The following NUMB variants were observed in gnomAD, a reference collection of about 807,000 sequenced individuals.
NUMB encodes protein numb homolog.
In NUMB, 29 loss-of-function variants were observed where a neutral mutation model predicts 59.7. The ratio of observed to expected loss-of-function variants is 0.49; its 90% CI spans 0.36 to 0.66. The LOEUF is 0.66. Among genes scored for constraint, NUMB ranks in the 30% least tolerant of loss-of-function variants. The pLI is 0.00. For missense variants in NUMB, 723 were observed against 822.0 expected (o/e 0.88, Z 1.47); for synonymous variants, 288 against 288.2 (o/e 1.00, Z 0.01).
chr14:73,308,079 G>T (rs1890563282), intron 6 of NUMB, among the ~76,000 whole-genome samples: 1 of 152,132 alleles, frequency 6.6e-6, no homozygotes, highest in African/African-American at 2.4e-5. Context: ...CTCAAGAGGG[G>T]ATGGCAGGAG....
intron 3 of NUMB, among the ~76,000 whole-genome samples, chr14:73,357,746 G>C (rs1046843391): frequency 6.6e-6 from 1 of 152,110 alleles, no homozygotes; most frequent in Non-Finnish European, 1.5e-5. Flanking sequence ...CTGGGCAACA[G>C]AGCGAGACTG....
At chr14:73,451,153 C>CA (rs1212863745) in intron 1 of NUMB, among the ~76,000 whole-genome samples, 4,808 of 35,972 alleles carry the variant, frequency 0.13, 558 homozygotes, top group Non-Finnish European at 0.18. Context: ...GACTCTGTCT[C>CA]AAAAAAAAAA....
intron 2 of NUMB, among the ~76,000 whole-genome samples, chr14:73,404,581 G>C (rs1296285680): frequency 6.6e-6 from 1 of 152,028 alleles, no homozygotes; most frequent in African/African-American, 2.4e-5. Context: ...ATCAGTGGGG[G>C]ATATACAGAT....
chr14:73,282,285 C>A, intron 11 of NUMB, 74 bp downstream of exon 11: 1 of 1,496,638 alleles, frequency 6.7e-7, no homozygotes, highest in Non-Finnish European at 9.1e-7. Context: ...AGGATGCCAA[C>A]TTACAGTTAG....
At chr14:73,363,954 C>G (rs1894212920) in intron 3 of NUMB, among the ~76,000 whole-genome samples, 1 of 152,034 alleles carries the variant, frequency 6.6e-6, no homozygotes, top group Non-Finnish European at 1.5e-5. Context: ...CTCTTAAAAA[C>G]AAAACAAATT....
chr14:73,353,482 T>C (rs1893578970), intron 4 of NUMB, among the ~76,000 whole-genome samples: 2 of 151,250 alleles, frequency 1.3e-5, no homozygotes, highest in South Asian at 4.2e-4. Context: ...CTTATGCCAA[T>C]ATTATCTATA....
intron 2 of NUMB, among the ~76,000 whole-genome samples, chr14:73,398,415 A>AGAGAGAGAGAGTGT (rs1438462148): frequency 6.7e-5 from 8 of 118,878 alleles, no homozygotes; most frequent in African/African-American, 2.3e-4. Context: ...AGAGAGAGAG[A>AGAGAGAGAGAGTGT]GTGTGTGTGT....
intron 2 of NUMB, among the ~76,000 whole-genome samples, chr14:73,375,309 T>G (rs879856742): frequency 1.3e-5 from 2 of 152,214 alleles, no homozygotes; most frequent in Non-Finnish European, 2.9e-5. Context: ...AAGAGACTTA[T>G]GTTTATTACT....
intron 2 of NUMB, among the ~76,000 whole-genome samples, chr14:73,374,982 A>C (rs1248789997): frequency 2.0e-5 from 3 of 152,054 alleles, no homozygotes; most frequent in Admixed American, 6.6e-5. Flanking sequence ...CGGACACCCA[A>C]AGTGCGTGAG....
At chr14:73,399,907 G>A (rs994166982) in intron 2 of NUMB, among the ~76,000 whole-genome samples, 5 of 151,604 alleles carry the variant, frequency 3.3e-5, no homozygotes, top group Non-Finnish European at 7.4e-5. Flanking sequence ...GCTGGATGTC[G>A]TGGCATCTGT....
intron 4 of NUMB, among the ~76,000 whole-genome samples, chr14:73,330,744 G>GT: frequency 7.8e-6 from 1 of 127,500 alleles, no homozygotes. Flanking sequence ...TACTGTTAGG[G>GT]TTTTCCAGAG....
At chr14:73,438,125 C>T (rs1403120735) in intron 1 of NUMB, among the ~76,000 whole-genome samples, 1 of 152,162 alleles carries the variant, frequency 6.6e-6, no homozygotes, top group African/African-American at 2.4e-5. Flanking sequence ...GTTTTGCTCT[C>T]CTGAGAGCTC....
intron 4 of NUMB, among the ~76,000 whole-genome samples, chr14:73,329,421 GAATTC>G (rs1051566333): frequency 3.3e-5 from 5 of 152,132 alleles, no homozygotes; most frequent in Admixed American, 6.5e-5. Flanking sequence ...TTGCATGAAT[GAATTC>G]ATCTGAAATT....
intron 4 of NUMB, among the ~76,000 whole-genome samples, chr14:73,329,374 G>C (rs1429248614): frequency 1.3e-5 from 2 of 152,186 alleles, no homozygotes; most frequent in Non-Finnish European, 2.9e-5. Flanking sequence ...GTAACCACTA[G>C]TGTGTGTCAT....
rs192789196 is a variant in NUMB, at chr14:73,360,976, C to A, written c.-15-5210G>T. Among the ~76,000 whole-genome samples, 15 of 152,174 alleles carry A rather than the reference C, an allele frequency of 9.9e-5. No homozygotes were observed. The East Asian group carries it at 1.5e-3, about 16-fold the overall frequency. On this transcript the variant is annotated intron_variant, in intron 3 of 12. Coordinates refer to ENST00000555238, the MANE Select transcript of NUMB (RefSeq NM_001005743.2). ...ATAATCTCACTCACTGCAGCCTCAA[C>A]CTCCCGGGCTCAAGCGATCCTCGCA...
At chr14:73,286,336 C>T (rs1269840768) in intron 9 of NUMB, 1 of 151,238 alleles carries the variant, frequency 6.6e-6, no homozygotes, top group Non-Finnish European at 1.5e-5. Flanking sequence ...CTATACCTGG[C>T]CTCAAAATTA....
chr14:73,451,175 C>CA (rs1209954055), intron 1 of NUMB, among the ~76,000 whole-genome samples: 3 of 104,140 alleles, frequency 2.9e-5, no homozygotes, highest in Admixed American at 1.0e-4. Context: ...AAAAAAAAAA[C>CA]AAAAAACAAA....
intron 2 of NUMB, among the ~76,000 whole-genome samples, chr14:73,397,099 G>T (rs1047546719): frequency 1.3e-5 from 2 of 152,056 alleles, no homozygotes; most frequent in African/African-American, 2.4e-5. Flanking sequence ...ACTCCAGCCT[G>T]GGCAACAGAG....
chr14:73,436,005 C>G (rs1443121533), intron 1 of NUMB, among the ~76,000 whole-genome samples: 2 of 92,214 alleles, frequency 2.2e-5, no homozygotes, highest in Non-Finnish European at 4.6e-5. Context: ...GACTCTGTTT[C>G]AAAAAAAAAA....
Sources: gnomAD v4.1 joint callset for allele counts (sites outside exome capture counted in the v4.1 genomes callset) on GRCh38, gnomAD v4.1.1 for gene constraint, MANE v1.5 for transcripts, NCBI Gene and HGNC (gene_info 2026-07-23, HGNC 2026-07-21) for gene names.